The following ZNF587B variants were observed in gnomAD, a reference collection of about 807,000 sequenced individuals.
ZNF587B encodes zinc finger protein 587B.
A neutral mutation model predicts 7.2 loss-of-function variants in ZNF587B; 6 were observed. The observed-to-expected ratio is 0.83, with a 90% CI of 0.46 to 1.65. The LOEUF (loss-of-function observed/expected upper bound fraction) is 1.65. ZNF587B is among the 40% of genes most tolerant of loss of function. ZNF587B has a pLI of 0.01. For synonymous variants in ZNF587B, 274 were observed against 254.3 expected, an observed-to-expected ratio of 1.08 and a Z score of -0.74; for missense variants, 749 against 761.0, an observed-to-expected ratio of 0.98 and a Z score of 0.19.
chr19:57,830,675 G>A, intron 1 of ZNF587B, 111 bp downstream of exon 1: 1 of 1,260,934 alleles, frequency 7.9e-7, no homozygotes, highest in East Asian at 2.5e-5. Flanking sequence ...CAGATGCTGA[G>A]TTTTTATTAG....
Position 57,846,042 on chromosome 19 carries a change from A to T in ZNF587B, c.*3466A>T, listed in dbSNP as rs536015361. 1 of 152,354 alleles carries T rather than the reference A, an allele frequency of 6.6e-6. No homozygotes were observed. The highest frequency in any genetic ancestry group is 1.9e-4 in the East Asian group (1 of 5,188). The allele number at this position is 152,354 out of a possible 1,614,324, so 9.4% of individuals were successfully genotyped here. A position where few individuals can be genotyped will look rare whatever the true frequency, so the allele number is the denominator to read the frequency against. On this transcript the variant is annotated 3_prime_UTR_variant, in exon 3 of 3. Transcript: ENST00000594901. ...AGCTGTAGGATAAGTCTTGAATTTT[A>T]TTATAATCCCGTGAAACCATCATCA...
Position 57,841,802 on chromosome 19 carries a change from C to T in ZNF587B, c.1128C>T (p.His376=). The T allele has an allele frequency of 6.2e-7, 1 of 1,611,254 alleles. No homozygotes were observed. Among genetic ancestry groups the T allele is most frequent in the South Asian group, 1.1e-5 (1 of 90,864 alleles). The part of the protein sequence containing the change: ...KPSLSYHQRI[H]TEVRPYKCGE... Reference sequence around the variant, plus strand: ...GCCTTAGTTACCATCAGCGCATTCACACTGAAGTAAGACCTTACAAGTGTG... The same window carrying T: ...GCCTTAGTTACCATCAGCGCATTCATACTGAAGTAAGACCTTACAAGTGTG... The change falls in exon 3 of 3, where the codon CAC becomes CAT. Residue 376 remains histidine, a synonymous_variant. Coordinates refer to ENST00000594901, the MANE Select transcript of ZNF587B (RefSeq NM_001376223.1).
In ZNF587B at chr19:57,842,813, G is replaced by A. The variant is rs1988909699; in HGVS notation, c.*237G>A. ...CACTGAATGAAGGCCTTACTAGTGT[G>A]GCAAATATAGGCTATTTATCCAGAA... On this transcript the variant is annotated 3_prime_UTR_variant, in exon 3 of 3. Transcript: ENST00000594901. 4.1e-6 allele frequency: 4 copies of A among 985,232 alleles called. No individual in the cohort carries two copies. The highest frequency in any genetic ancestry group is 4.8e-6 in the Non-Finnish European group (4 of 829,934). The allele number at this position is 985,232 out of a possible 1,614,324, so 61.0% of individuals were successfully genotyped here. A position where few individuals can be genotyped will look rare whatever the true frequency, so the allele number is the denominator to read the frequency against.
chr19:57,841,469 T>C lies in ZNF587B; in HGVS notation c.795T>C (p.Ser265=). Reference sequence around the variant, plus strand: ...TCAGTAATCATCAGAGAGTTCACAGTGGAAAAAGACCTTATGAATGTGGAG... The same window carrying C: ...TCAGTAATCATCAGAGAGTTCACAGCGGAAAAAGACCTTATGAATGTGGAG... ...VSFSNHQRVH[S]GKRPYECGEC... Residue 265 remains serine (S), a synonymous_variant, in exon 3 of 3, where the codon AGT becomes AGC. Transcript: ENST00000594901. The C allele has an allele frequency of 6.3e-7, 1 of 1,584,828 alleles. No individual in the cohort carries two copies. Among genetic ancestry groups the C allele is most frequent in the Non-Finnish European group, 8.6e-7 (1 of 1,164,546 alleles).
rs530321052 is a variant in ZNF587B, at chr19:57,843,542, A to ATTT, written c.*974_*976dup. The ATTT allele has an allele frequency of 1.1e-6, 1 of 900,630 alleles. No homozygotes were observed. Among genetic ancestry groups the ATTT allele is most frequent in the Non-Finnish European group, 1.3e-6 (1 of 780,300 alleles). 55.8% of individuals were successfully genotyped at this position (900,630 alleles called of 1,614,324 possible). On this transcript the variant is annotated 3_prime_UTR_variant, in exon 3 of 3. Coordinates refer to ENST00000594901, the MANE Select transcript of ZNF587B (RefSeq NM_001376223.1). The stretch of plus-strand genomic sequence containing the variant: ...TTTGGTTGTCTCCCATTCACGAGAG[A>ATTT]TTTTTTTTTTAAGTTTTTTGTTTGG...
In ZNF587B at chr19:57,830,346, G is replaced by C. The variant is rs552102605; in HGVS notation, c.-183G>C. On this transcript the variant is annotated 5_prime_UTR_variant, in exon 1 of 3. Coordinates refer to ENST00000594901, the MANE Select transcript of ZNF587B (RefSeq NM_001376223.1). The stretch of plus-strand genomic sequence containing the variant: ...CGGAGAGGCTCCTGAGCGCTAGGTC[G>C]GCACTGCGGTGACTGAACCCAGAAG... The C allele has an allele frequency of 4.8e-4, 282 of 590,874 alleles. No homozygotes were observed. The highest frequency in any genetic ancestry group is 4.4e-3 in the African/African-American group (235 of 53,362). 36.6% of individuals were successfully genotyped at this position (590,874 alleles called of 1,614,324 possible).
At chr19:57,836,515 A>G (rs186855346) in intron 1 of ZNF587B, among the ~76,000 whole-genome samples, 35 of 151,740 alleles carry the variant, frequency 2.3e-4, no homozygotes, top group Admixed American at 2.2e-3. Context: ...TATATTTAAA[A>G]TTTTTTCTCT....
chr19:57,836,171 C>T (rs1396220169), intron 1 of ZNF587B, among the ~76,000 whole-genome samples: 1 of 151,730 alleles, frequency 6.6e-6, no homozygotes, highest in Non-Finnish European at 1.5e-5. Flanking sequence ...GAAAGGTCAT[C>T]ATTGCTGAGG....
In ZNF587B at chr19:57,842,402, G is replaced by A. The variant is rs778795554; in HGVS notation, c.1728G>A (p.Lys576=). The change falls in exon 3 of 3, where the codon AAG becomes AAA. Residue 576 remains lysine, a synonymous_variant. Transcript: ENST00000594901. ...ACAGGAGAGTTCACACTGGTCAGAA[G>A]CCTTATGAGTGCAGTGAATGTGGGA... ...TSHRRVHTGQ[K]PYECSECGKS... 3.7e-6 allele frequency: 6 copies of A among 1,600,902 alleles called. No homozygotes were observed. The East Asian group carries it at 1.3e-4, about 36-fold the overall frequency.
In ZNF587B at chr19:57,841,930, T is replaced by C. The variant is rs1568501026; in HGVS notation, c.1256T>C (p.Phe419Ser). 3 of 1,613,648 alleles carry C rather than the reference T, an allele frequency of 1.9e-6. No homozygotes were observed. Among genetic ancestry groups the C allele is most frequent in the Admixed American group, 1.7e-5 (1 of 59,914 alleles). The change falls in exon 3 of 3, where the codon TTT becomes TCT. Residue 419 changes from phenylalanine to serine, a missense_variant. Coordinates refer to ENST00000594901, the MANE Select transcript of ZNF587B (RefSeq NM_001376223.1). The stretch of plus-strand genomic sequence containing the variant: ...AAGTGTGGAGACTGTGGGAAATCTT[T>C]TAATGAAAAAGGACACCTTAGGAGT... ...PYKCGDCGKS[F>S]NEKGHLRSHQ...
In ZNF587B at chr19:57,841,814, A is replaced by G. The variant is rs770984872; in HGVS notation, c.1140A>G (p.Arg380=). The part of the protein sequence containing the change: ...SYHQRIHTEV[R]PYKCGECGKS... ...ATCAGCGCATTCACACTGAAGTAAGACCTTACAAGTGTGGAGAATGTGGGA... is the reference window on the plus strand; with the variant it reads ...ATCAGCGCATTCACACTGAAGTAAGGCCTTACAAGTGTGGAGAATGTGGGA... The change falls in exon 3 of 3, where the codon AGA becomes AGG. Residue 380 remains arginine (R), a synonymous_variant. Transcript: ENST00000594901. 1.2e-6 allele frequency: 2 copies of G among 1,611,446 alleles called. No individual in the cohort carries two copies. The highest frequency in any genetic ancestry group is 1.7e-6 in the Non-Finnish European group (2 of 1,179,114).
Position 57,842,906 on chromosome 19 carries a change from AAAG to A in ZNF587B, c.*331_*333del. ...GCCTTTTGAATGTAATGTTTGCAAA[AAAG>A]CACTGTGCCTTCTGTCATTGAATCC... On this transcript the variant is annotated 3_prime_UTR_variant, in exon 3 of 3. Transcript: ENST00000594901. 1.0e-6 allele frequency: 1 copy of A among 985,444 alleles called. No individual in the cohort carries two copies. Among genetic ancestry groups the A allele is most frequent in the Non-Finnish European group, 1.2e-6 (1 of 829,944 alleles). The allele number at this position is 985,444 out of a possible 1,614,324, so 61.0% of individuals were successfully genotyped here. A position where few individuals can be genotyped will look rare whatever the true frequency, so the allele number is the denominator to read the frequency against.
At chr19:57,832,222 G>A (rs1988439480) in intron 1 of ZNF587B, among the ~76,000 whole-genome samples, 1 of 151,864 alleles carries the variant, frequency 6.6e-6, no homozygotes, top group Admixed American at 6.6e-5. Flanking sequence ...GAGTAGCTGG[G>A]ACTACAGGCA....
Position 57,843,587 on chromosome 19 carries a change from G to GTTTTTTTTTTTTTTTTTTTTTTTTTT in ZNF587B, c.*1013_*1014insTTTTTTTTTTTTTTTTTTTTTTTTTT, listed in dbSNP as rs1324065807. The GTTTTTTTTTTTTTTTTTTTTTTTTTT allele has an allele frequency of 8.4e-5, 62 of 738,178 alleles. 6 individuals are homozygous for GTTTTTTTTTTTTTTTTTTTTTTTTTT. Among genetic ancestry groups the GTTTTTTTTTTTTTTTTTTTTTTTTTT allele is most frequent in the African/African-American group, 4.4e-4 (12 of 27,422 alleles). 45.7% of individuals were successfully genotyped at this position (738,178 alleles called of 1,614,324 possible). ...GTTTGGTTGGTTGGTTGGTTGGTTG[G>GTTTTTTTTTTTTTTTTTTTTTTTTTT]TTGTTTTTTTTTGTTTTTTTTTTTT... is the stretch of plus-strand genomic sequence containing the variant. On this transcript the variant is annotated 3_prime_UTR_variant, in exon 3 of 3. Coordinates refer to ENST00000594901, the MANE Select transcript of ZNF587B (RefSeq NM_001376223.1).
intron 1 of ZNF587B, among the ~76,000 whole-genome samples, chr19:57,837,912 TGAC>T (rs887951770): frequency 2.6e-5 from 4 of 152,260 alleles, no homozygotes; most frequent in East Asian, 3.9e-4. Context: ...AAACTGCTCT[TGAC>T]GACATCTGTA....
intron 1 of ZNF587B, among the ~76,000 whole-genome samples, chr19:57,830,880 C>G (rs1413748483): frequency 6.6e-6 from 1 of 151,840 alleles, no homozygotes; most frequent in Non-Finnish European, 1.5e-5. Context: ...AAAGAAGGGG[C>G]TAGATTTTCT....
rs1988924004 is a variant in ZNF587B, at chr19:57,843,173, A to C, written c.*597A>C. 1.7e-6 allele frequency: 1 copy of C among 599,182 alleles called. No homozygotes were observed. Among genetic ancestry groups the C allele is most frequent in the Non-Finnish European group, 2.1e-6 (1 of 477,922 alleles). 37.1% of individuals were successfully genotyped at this position (599,182 alleles called of 1,614,324 possible). ...CCATGCCTGGCTATTTTCTCATATT[A>C]GTAGATATAGGGTTTTACCATGTTT... On this transcript the variant is annotated 3_prime_UTR_variant, in exon 3 of 3. Transcript: ENST00000594901.
In ZNF587B at chr19:57,843,071, C is replaced by T. The variant is rs1199675101; in HGVS notation, c.*495C>T. 1 of 801,416 alleles carries T rather than the reference C, an allele frequency of 1.2e-6. No individual in the cohort carries two copies. The highest frequency in any genetic ancestry group is 1.5e-6 in the Non-Finnish European group (1 of 662,158). 49.6% of individuals were successfully genotyped at this position (801,416 alleles called of 1,614,324 possible). A position where few individuals can be genotyped will look rare whatever the true frequency, so the allele number is the denominator to read the frequency against. On this transcript the variant is annotated 3_prime_UTR_variant, in exon 3 of 3. Coordinates refer to ENST00000594901, the MANE Select transcript of ZNF587B (RefSeq NM_001376223.1). The stretch of plus-strand genomic sequence containing the variant: ...TGTGCAGTGCTGCGATCGTAGCTCA[C>T]TGCATCCTCCGCCCCCTAGGCTCAA...
At position 57,843,600 on chromosome 19, in the gene ZNF587B, GTTTTTTTTTTTTTTT is replaced by G; in HGVS notation, c.*1030_*1044del. On this transcript the variant is annotated 3_prime_UTR_variant, in exon 3 of 3. Coordinates refer to ENST00000594901, the MANE Select transcript of ZNF587B (RefSeq NM_001376223.1). The stretch of plus-strand genomic sequence containing the variant: ...GTTGGTTGGTTGGTTGTTTTTTTTT[GTTTTTTTTTTTTTTT>G]TTTTTGGAGACAAAGTTTCACTGTC... 1 of 644,312 alleles carries G rather than the reference GTTTTTTTTTTTTTTT, an allele frequency of 1.6e-6. No homozygotes were observed. Among genetic ancestry groups the G allele is most frequent in the Non-Finnish European group, 1.8e-6 (1 of 563,266 alleles). The allele number at this position is 644,312 out of a possible 1,614,324, so 39.9% of individuals were successfully genotyped here.
Sources: gnomAD v4.1 joint callset for allele counts (sites outside exome capture counted in the v4.1 genomes callset) on GRCh38, gnomAD v4.1.1 for gene constraint, MANE v1.5 for transcripts, NCBI Gene and HGNC (gene_info 2026-07-23, HGNC 2026-07-21) for gene names.